The following STYXL1 variants were observed in gnomAD, a reference collection of about 807,000 sequenced individuals.
STYXL1 encodes serine/threonine/tyrosine-interacting-like protein 1.
Under a neutral mutation model 36.4 loss-of-function variants are expected in STYXL1, and 32 were observed. That is an observed-to-expected ratio of 0.88 (90% CI 0.66 to 1.18). The LOEUF (loss-of-function observed/expected upper bound fraction) is 1.18. Ranked by LOEUF, STYXL1 falls within the 50% of genes most tolerant of loss-of-function variation. The pLI is 0.00. For synonymous variants in STYXL1, 133 were observed against 144.1 expected (o/e 0.92, Z 0.55); for missense variants, 354 against 394.1 (o/e 0.90, Z 0.86).
intron 7 of STYXL1, among the ~76,000 whole-genome samples, chr7:76,003,018 C>T (rs1476836668): frequency 6.6e-6 from 1 of 152,216 alleles, no homozygotes; most frequent in Non-Finnish European, 1.5e-5. Context: ...TGGTGCCAGA[C>T]AGGCAGGCAT....
chr7:76,030,504 C>T lies in STYXL1; in HGVS notation c.20G>A (p.Cys7Tyr), dbSNP rs1795204565. The T allele has an allele frequency of 6.2e-7, 1 of 1,613,536 alleles. No homozygotes were observed. Among genetic ancestry groups the T allele is most frequent in the Non-Finnish European group, 8.5e-7 (1 of 1,179,516 alleles). Reference sequence around the variant, plus strand: ...GATGTTGTAAAGCTCTGTTGGTTCACATAAAAGCAAACCAGGCATCCTGCT... The same window carrying T: ...GATGTTGTAAAGCTCTGTTGGTTCATATAAAAGCAAACCAGGCATCCTGCT... MPGLLL[C>Y]EPTELYNILN... Residue 7 changes from cysteine (C) to tyrosine (Y), a missense_variant, in exon 2 of 9, where the codon TGT (cysteine) becomes TAT (tyrosine). Physicochemically the swap from Cys to Tyr is radical, Grantham distance 194. Transcript: ENST00000359697.
At chr7:76,030,356 C>T in intron 2 of STYXL1, 65 bp downstream of exon 2, 1 of 1,261,426 alleles carries the variant, frequency 7.9e-7, no homozygotes, top group Non-Finnish European at 1.2e-6. Flanking sequence ...AGTTTGTTAA[C>T]TCATCAAAAA....
intron 1 of STYXL1, among the ~76,000 whole-genome samples, chr7:76,041,293 T>C (rs1450445517): frequency 6.6e-6 from 1 of 152,092 alleles, no homozygotes; most frequent in East Asian, 1.9e-4. Context: ...CAAAATCTGA[T>C]AGCACATGAT....
At chr7:76,034,336 C>A (rs1795709777) in intron 1 of STYXL1, among the ~76,000 whole-genome samples, 1 of 152,144 alleles carries the variant, frequency 6.6e-6, no homozygotes, top group Non-Finnish European at 1.5e-5. Flanking sequence ...TCCAACCCTA[C>A]CAAACCACAA....
chr7:76,025,915 G>A (rs996242633), intron 3 of STYXL1, among the ~76,000 whole-genome samples: 5 of 151,488 alleles, frequency 3.3e-5, no homozygotes, highest in Admixed American at 6.6e-5. Flanking sequence ...CACAGAGGCC[G>A]GGCGCGGTGG....
intron 4 of STYXL1, among the ~76,000 whole-genome samples, chr7:76,017,656 C>T (rs1352887305): frequency 3.3e-5 from 5 of 151,428 alleles, no homozygotes; most frequent in African/African-American, 7.3e-5. Flanking sequence ...GAGGCCAAGG[C>T]GGGTGCATCA....
At chr7:75,999,511 A>ATATGTGTG (rs1554565620) in intron 8 of STYXL1, among the ~76,000 whole-genome samples, 1,603 of 95,900 alleles carry the variant, frequency 0.017, 15 homozygotes, top group Non-Finnish European at 0.02. Context: ...GTGTGTGTGT[A>ATATGTGTG]TGTGTGTGTG....
At chr7:76,001,634 C>G (rs537304980) in intron 7 of STYXL1, among the ~76,000 whole-genome samples, 1 of 152,112 alleles carries the variant, frequency 6.6e-6, no homozygotes, top group Non-Finnish European at 1.5e-5. Flanking sequence ...CCTGGGATTA[C>G]AAGCACCTGC....
chr7:76,020,714 TC>T (rs1793956078), intron 4 of STYXL1, among the ~76,000 whole-genome samples: 1 of 152,172 alleles, frequency 6.6e-6, no homozygotes, highest in African/African-American at 2.4e-5. Flanking sequence ...TCTTGCCATA[TC>T]ACCCAGGCTG....
At chr7:76,019,938 A>AG (rs1793853940) in intron 4 of STYXL1, among the ~76,000 whole-genome samples, 1 of 151,882 alleles carries the variant, frequency 6.6e-6, no homozygotes, top group African/African-American at 2.4e-5. Flanking sequence ...AAAAAAAAAA[A>AG]AAAAAAAAGA....
chr7:76,037,628 T>C (rs1585333484), intron 1 of STYXL1, among the ~76,000 whole-genome samples: 1 of 150,038 alleles, frequency 6.7e-6, no homozygotes, highest in African/African-American at 2.4e-5. Context: ...AGGCTGGGCC[T>C]GACCACAGGC....
At chr7:76,039,323 G>T (rs567908187) in intron 1 of STYXL1, among the ~76,000 whole-genome samples, 12 of 150,812 alleles carry the variant, frequency 8.0e-5, no homozygotes, top group African/African-American at 2.7e-4. Flanking sequence ...TGATCTTCCC[G>T]CCTCAGCCTC....
chr7:76,003,693 G>T, intron 7 of STYXL1, 65 bp downstream of exon 7: 6 of 1,429,460 alleles, frequency 4.2e-6, no homozygotes, highest in Non-Finnish European at 5.9e-6. Context: ...TGTGAAGGAG[G>T]CTCCACTGCC....
intron 5 of STYXL1, among the ~76,000 whole-genome samples, chr7:76,010,640 AGC>A (rs1792441827): frequency 6.6e-6 from 1 of 152,090 alleles, no homozygotes; most frequent in African/African-American, 2.4e-5. Flanking sequence ...GGGGCCAGAG[AGC>A]AGGCACTTTC....
chr7:76,008,268 C>A (rs977849103), intron 5 of STYXL1, among the ~76,000 whole-genome samples: 3 of 143,332 alleles, frequency 2.1e-5, no homozygotes, highest in African/African-American at 7.7e-5. Context: ...TCCACTCCAA[C>A]TGGATAACTT....
At chr7:76,001,482 CCT>C (rs1461169099) in intron 7 of STYXL1, among the ~76,000 whole-genome samples, 1 of 152,058 alleles carries the variant, frequency 6.6e-6, no homozygotes, top group Non-Finnish European at 1.5e-5. Context: ...CCTCTCTACT[CCT>C]CTCTCTCCTT....
At chr7:76,032,879 AG>A (rs1554579759) in intron 1 of STYXL1, among the ~76,000 whole-genome samples, 1 of 152,130 alleles carries the variant, frequency 6.6e-6, no homozygotes, top group Non-Finnish European at 1.5e-5. Context: ...ACAAAGGATA[AG>A]AACATTCTGC....
At chr7:76,043,585 C>A (rs1405155716) in intron 1 of STYXL1, among the ~76,000 whole-genome samples, 2 of 151,934 alleles carry the variant, frequency 1.3e-5, no homozygotes, top group African/African-American at 4.8e-5. Flanking sequence ...ATCATGGGAA[C>A]TGGAGGTAAG....
intron 3 of STYXL1, among the ~76,000 whole-genome samples, chr7:76,025,875 G>A (rs999571316): frequency 2.0e-5 from 3 of 151,870 alleles, no homozygotes; most frequent in Admixed American, 6.6e-5. Context: ...GCTCCCTGCT[G>A]AGTTATTGAG....
Sources: allele counts gnomAD v4.1 joint callset (sites outside exome capture counted in the v4.1 genomes callset), GRCh38; gene constraint gnomAD v4.1.1; transcripts MANE v1.5; gene names NCBI Gene and HGNC (gene_info 2026-07-23, HGNC 2026-07-21).